The following GUCY1A1 variants were observed in gnomAD, a reference collection of about 807,000 sequenced individuals.
GUCY1A1 encodes guanylate cyclase soluble subunit alpha-1.
A neutral mutation model predicts 64.5 loss-of-function variants in GUCY1A1; 48 were observed. The observed-to-expected ratio is 0.74, with a 90% CI of 0.59 to 0.95. The LOEUF is 0.95. Ranked by LOEUF, GUCY1A1 falls within the 40% of genes least tolerant of loss-of-function variation. The pLI is 0.00. For synonymous variants in GUCY1A1, 308 were observed against 303.4 expected (o/e 1.02, Z -0.16); for missense variants, 804 against 825.3 (o/e 0.97, Z 0.32).
At chr4:155,682,125 A>G (rs569039332) in intron 2 of GUCY1A1, among the ~76,000 whole-genome samples, 6 of 150,966 alleles carry the variant, frequency 4.0e-5, no homozygotes, top group South Asian at 2.1e-4. Flanking sequence ...CTTTCCCACA[A>G]TTTCCTTCAT....
In GUCY1A1 at chr4:155,710,967, C is replaced by T; in HGVS notation, c.802C>T (p.Pro268Ser). The change falls in exon 6 of 10, where the codon CCC becomes TCC. Residue 268 changes from proline (P) to serine (S), a missense_variant. Physicochemically the swap from Pro to Ser is moderately conservative, Grantham distance 74 (BLOSUM62 -1). Transcript: ENST00000506455. ...GAAAAGCACCAAGCCATCCCTGTCCCCCAGCAAACCCCAGTCCTCGCTGGT... is the reference window on the plus strand; with the variant it reads ...GAAAAGCACCAAGCCATCCCTGTCCTCCAGCAAACCCCAGTCCTCGCTGGT... ...HMKSTKPSLS[P>S]SKPQSSLVIP... 6.2e-7 allele frequency: 1 copy of T among 1,613,344 alleles called. No homozygotes were observed. The highest frequency in any genetic ancestry group is 8.5e-7 in the Non-Finnish European group (1 of 1,179,282).
intron 4 of GUCY1A1, among the ~76,000 whole-genome samples, chr4:155,704,872 A>G (rs950452611): frequency 6.6e-6 from 1 of 152,048 alleles, no homozygotes; most frequent in Non-Finnish European, 1.5e-5. Flanking sequence ...ATGGACCTAA[A>G]GTTACTTTTT....
intron 4 of GUCY1A1, among the ~76,000 whole-genome samples, chr4:155,704,236 CAG>C (rs1317620969): frequency 6.6e-6 from 1 of 152,140 alleles, no homozygotes; most frequent in African/African-American, 2.4e-5. Flanking sequence ...AAGGAAAAGA[CAG>C]AGCTGGGGTT....
At chr4:155,686,451 A>G (rs763505410) in intron 2 of GUCY1A1, among the ~76,000 whole-genome samples, 5 of 152,232 alleles carry the variant, frequency 3.3e-5, no homozygotes, top group Non-Finnish European at 5.9e-5. Context: ...ACTGCACTCC[A>G]GCCTGGGCTA....
intron 7 of GUCY1A1, among the ~76,000 whole-genome samples, chr4:155,715,954 G>T (rs1319447581): frequency 6.6e-6 from 1 of 152,158 alleles, no homozygotes; most frequent in East Asian, 1.9e-4. Context: ...AGGGGTGATT[G>T]CTATTTCTTA....
At chr4:155,720,369 A>G (rs1178698325) in intron 8 of GUCY1A1, among the ~76,000 whole-genome samples, 2 of 140,124 alleles carry the variant, frequency 1.4e-5, no homozygotes, top group Non-Finnish European at 1.6e-5. Context: ...CTATCTATCT[A>G]TCTATCTATC....
At chr4:155,688,653 T>C (rs1360837913) in intron 2 of GUCY1A1, among the ~76,000 whole-genome samples, 1 of 152,152 alleles carries the variant, frequency 6.6e-6, no homozygotes, top group Non-Finnish European at 1.5e-5. Context: ...GGAGTATTTC[T>C]GATATAACAC....
intron 2 of GUCY1A1, among the ~76,000 whole-genome samples, chr4:155,677,608 T>A (rs781018328): frequency 3.9e-5 from 6 of 152,284 alleles, no homozygotes; most frequent in Admixed American, 6.5e-5. Flanking sequence ...CCCAGCACTT[T>A]GGGAGGCCAA....
At chr4:155,687,062 A>G (rs1324095029) in intron 2 of GUCY1A1, among the ~76,000 whole-genome samples, 1 of 152,214 alleles carries the variant, frequency 6.6e-6, no homozygotes, top group Non-Finnish European at 1.5e-5. Context: ...CCCTTAAACA[A>G]GCTTTGATGC....
At chr4:155,686,338 G>A (rs1025775508) in intron 2 of GUCY1A1, among the ~76,000 whole-genome samples, 2 of 152,106 alleles carry the variant, frequency 1.3e-5, no homozygotes, top group Non-Finnish European at 2.9e-5. Flanking sequence ...AAAATTAGCC[G>A]GGCGTGGTGG....
intron 3 of GUCY1A1, among the ~76,000 whole-genome samples, chr4:155,703,640 C>T (rs917460479): frequency 1.3e-5 from 2 of 152,186 alleles, no homozygotes; most frequent in Non-Finnish European, 2.9e-5. Context: ...TCACACTCAG[C>T]TCAACTATTC....
chr4:155,694,841 G>C (rs1263905039), intron 2 of GUCY1A1, among the ~76,000 whole-genome samples: 1 of 152,212 alleles, frequency 6.6e-6, no homozygotes, highest in African/African-American at 2.4e-5. Flanking sequence ...ATTATGTTGA[G>C]ATGTAGTAAA....
At chr4:155,698,159 A>T (rs1451879165) in intron 3 of GUCY1A1, among the ~76,000 whole-genome samples, 2 of 152,186 alleles carry the variant, frequency 1.3e-5, no homozygotes, top group Admixed American at 1.3e-4. Context: ...CACAGCTTTC[A>T]AAGGGTAGAG....
chr4:155,704,724 ATTTTTTT>A (rs955049830), intron 4 of GUCY1A1, among the ~76,000 whole-genome samples: 1 of 148,044 alleles, frequency 6.8e-6, no homozygotes, highest in Non-Finnish European at 1.5e-5. Context: ...TTTATTTTTT[ATTTTTTT>A]TTTAGAAACA....
chr4:155,679,051 T>C (rs1735329028), intron 2 of GUCY1A1, among the ~76,000 whole-genome samples: 1 of 152,238 alleles, frequency 6.6e-6, no homozygotes, highest in African/African-American at 2.4e-5. Flanking sequence ...ACTCCCTTGC[T>C]GTTGTGTGTT....
intron 8 of GUCY1A1, among the ~76,000 whole-genome samples, chr4:155,721,644 A>T (rs1164336666): frequency 6.6e-6 from 1 of 152,102 alleles, no homozygotes; most frequent in Admixed American, 6.6e-5. Context: ...AGTGTTTGGG[A>T]AAATGATTCC....
At chr4:155,698,616 C>G (rs1335631871) in intron 3 of GUCY1A1, among the ~76,000 whole-genome samples, 12 of 152,066 alleles carry the variant, frequency 7.9e-5, no homozygotes, top group Non-Finnish European at 8.8e-5. Flanking sequence ...ATATTGGACT[C>G]TTTTTTAAAA....
At chr4:155,714,456 T>G (rs1049324439) in intron 7 of GUCY1A1, among the ~76,000 whole-genome samples, 1 of 152,246 alleles carries the variant, frequency 6.6e-6, no homozygotes, top group Non-Finnish European at 1.5e-5. Context: ...ACGTAACTAC[T>G]ATTAGTAAGA....
At position 155,710,639 on chromosome 4, in the gene GUCY1A1, C is replaced by G; in HGVS notation, c.474C>G (p.Thr158=). 6.2e-7 allele frequency: 1 copy of G among 1,613,364 alleles called. No homozygotes were observed. Among genetic ancestry groups the G allele is most frequent in the Non-Finnish European group, 8.5e-7 (1 of 1,179,514 alleles). The change falls in exon 6 of 10, where the codon ACC becomes ACG. Residue 158 remains threonine, a synonymous_variant. Coordinates refer to ENST00000506455, the MANE Select transcript of GUCY1A1 (RefSeq NM_001130682.3). The part of the protein sequence containing the change: ...DENILGVVGG[T]LKDFLNSFST... ...ACATCCTTGGGGTGGTTGGAGGCACCCTTAAAGATTTTTTAAACAGCTTCA... is the reference window on the plus strand; with the variant it reads ...ACATCCTTGGGGTGGTTGGAGGCACGCTTAAAGATTTTTTAAACAGCTTCA...
Sources: allele counts gnomAD v4.1 joint callset (sites outside exome capture counted in the v4.1 genomes callset), GRCh38; gene constraint gnomAD v4.1.1; transcripts MANE v1.5; gene names NCBI Gene and HGNC (gene_info 2026-07-23, HGNC 2026-07-21).